The following MAP7 variants were observed in gnomAD, a reference collection of about 807,000 sequenced individuals.
MAP7 encodes the protein ensconsin.
In MAP7, 52 loss-of-function variants were observed where a neutral mutation model predicts 94.8. The observed-to-expected ratio is 0.55, with a 90% confidence interval of 0.44 to 0.69. The LOEUF is 0.69. MAP7 is among the 30% of genes least tolerant of loss of function. The probability of loss-of-function intolerance (pLI) is 0.00; values close to 1 mark genes in which losing one functional copy is unlikely to be tolerated. For synonymous variants in MAP7, 350 were observed against 357.0 expected (o/e 0.98, Z 0.22); for missense variants, 940 against 964.6 (o/e 0.97, Z 0.34).
intron 1 of MAP7, among the ~76,000 whole-genome samples, chr6:136,484,047 G>A (rs1813806276): frequency 6.6e-6 from 1 of 152,168 alleles, no homozygotes; most frequent in Non-Finnish European, 1.5e-5. Context: ...GTGCTGAGCT[G>A]GGGGAATTTC....
At chr6:136,381,293 C>T (rs1443410824) in intron 6 of MAP7, among the ~76,000 whole-genome samples, 1 of 152,078 alleles carries the variant, frequency 6.6e-6, no homozygotes, top group African/African-American at 2.4e-5. Context: ...GATCCCCCTG[C>T]CTCAGCCCCC....
chr6:136,412,576 C>T (rs947022232), intron 2 of MAP7, among the ~76,000 whole-genome samples: 9 of 152,066 alleles, frequency 5.9e-5, no homozygotes, highest in Non-Finnish European at 1.3e-4. Context: ...TAATGATGTT[C>T]CATAGAAAGT....
rs116810331 is a variant in MAP7 at position 136,454,043 on chromosome 6, A to G, written c.68-32244T>C. Among the ~76,000 whole-genome samples, 423 of 152,248 alleles carry G rather than the reference A, an allele frequency of 2.8e-3. 3 individuals are homozygous for G. The highest frequency in any genetic ancestry group is 9.5e-3 in the African/African-American group (393 of 41,536). On this transcript the variant is annotated intron_variant, in intron 1 of 17. Transcript: ENST00000354570. ...TTTTCAATGCCTCATCTCCATATTT[A>G]CATTTCAACCACTTGGTACCTTGTC...
intron 3 of MAP7, among the ~76,000 whole-genome samples, chr6:136,407,312 A>T (rs904458727): frequency 3.3e-5 from 5 of 152,250 alleles, no homozygotes; most frequent in Non-Finnish European, 5.9e-5. Context: ...GTCTAAATAG[A>T]TAAAAATTCA....
At chr6:136,432,653 C>T (rs1319788908) in intron 1 of MAP7, among the ~76,000 whole-genome samples, 1 of 152,162 alleles carries the variant, frequency 6.6e-6, no homozygotes, top group Non-Finnish European at 1.5e-5. Flanking sequence ...GTGCAACTCA[C>T]AGGTTGGTTA....
intron 2 of MAP7, among the ~76,000 whole-genome samples, chr6:136,413,134 C>T (rs1287249982): frequency 6.6e-6 from 1 of 152,120 alleles, no homozygotes; most frequent in Non-Finnish European, 1.5e-5. Context: ...TGCACTCCAG[C>T]CTGGGCAACA....
In MAP7 at chr6:136,388,507, G is replaced by A. The variant is rs369644416; in HGVS notation, c.412C>T (p.Arg138Cys). Residue 138 changes from arginine (R) to cysteine (C), a missense_variant, in exon 5 of 18, where the codon CGC becomes TGC. Arg to Cys is a radical substitution (Grantham distance 180). Coordinates refer to ENST00000354570, the MANE Select transcript of MAP7 (RefSeq NM_003980.6). Reference protein sequence around the residue: ...RRQRLEEDKERHEAVVRRTME... With the variant: ...RRQRLEEDKECHEAVVRRTME... Reference sequence around the variant, plus strand: ...GTGCGCCGTACAACAGCTTCGTGGCGTTCCTTAGATGGAATAGAAGAGCTG... The same window carrying A: ...GTGCGCCGTACAACAGCTTCGTGGCATTCCTTAGATGGAATAGAAGAGCTG... 133 of 1,612,956 alleles carry A rather than the reference G, an allele frequency of 8.2e-5. No individual in the cohort carries two copies. Among genetic ancestry groups the A allele is most frequent in the East Asian group, 1.3e-4 (6 of 44,880 alleles).
intron 3 of MAP7, among the ~76,000 whole-genome samples, chr6:136,401,487 T>C (rs1005200294): frequency 3.9e-5 from 6 of 152,170 alleles, no homozygotes; most frequent in South Asian, 2.1e-4. Flanking sequence ...TGTAGGGACA[T>C]GGATAAAGCT....
At chr6:136,426,459 G>A (rs1005874274) in intron 1 of MAP7, among the ~76,000 whole-genome samples, 4 of 152,228 alleles carry the variant, frequency 2.6e-5, no homozygotes, top group South Asian at 2.1e-4. Context: ...ACAATAGACC[G>A]ATTCAATTTT....
intron 1 of MAP7, among the ~76,000 whole-genome samples, chr6:136,446,561 G>T (rs1312037655): frequency 6.6e-6 from 1 of 152,168 alleles, no homozygotes; most frequent in African/African-American, 2.4e-5. Context: ...TTGGGGAGGT[G>T]CAGGGGGGCG....
At chr6:136,345,072 A>T (rs1336266209) in intron 17 of MAP7, among the ~76,000 whole-genome samples, 1 of 152,232 alleles carries the variant, frequency 6.6e-6, no homozygotes, top group African/African-American at 2.4e-5. Context: ...TTGAAGAGAC[A>T]GGGAGCACAG....
At chr6:136,426,702 T>C (rs2128791589) in intron 1 of MAP7, among the ~76,000 whole-genome samples, 1 of 152,292 alleles carries the variant, frequency 6.6e-6, no homozygotes, top group South Asian at 2.1e-4. Context: ...ATCAGGACTG[T>C]CTGGTCAGAA....
In MAP7 at chr6:136,381,919, C is replaced by CACACACACAGAG. The variant is rs373754692; in HGVS notation, c.637+1751_637+1752insCTCTGTGTGTGT. Among the ~76,000 whole-genome samples the CACACACACAGAG allele has an allele frequency of 2.0e-3, 207 of 103,028 alleles. No homozygotes were observed. The Middle Eastern group carries it at 0.029, about 14-fold the overall frequency. The allele number at this position is 103,028 out of a possible 152,430, so 67.6% of individuals were successfully genotyped here. ...ACACACACACACACACACACACACA[C>CACACACACAGAG]AGAGAGAGAGAGAGAGAATGCATGG... is the stretch of plus-strand genomic sequence containing the variant. On this transcript the variant is annotated intron_variant, in intron 6 of 17. Transcript: ENST00000354570.
chr6:136,451,569 G>C (rs370534219), intron 1 of MAP7, among the ~76,000 whole-genome samples: 3 of 152,210 alleles, frequency 2.0e-5, no homozygotes, highest in African/African-American at 7.2e-5. Context: ...CATGGATAAA[G>C]AAGTAATTCT....
intron 3 of MAP7, among the ~76,000 whole-genome samples, chr6:136,392,589 T>C (rs1781104277): frequency 6.6e-6 from 1 of 152,108 alleles, no homozygotes; most frequent in Admixed American, 6.6e-5. Flanking sequence ...ATTCAGACCC[T>C]GAGCAGTAAC....
At chr6:136,430,982 C>T (rs1407239657) in intron 1 of MAP7, among the ~76,000 whole-genome samples, 3 of 152,210 alleles carry the variant, frequency 2.0e-5, no homozygotes, top group Non-Finnish European at 2.9e-5. Flanking sequence ...GACACTGACA[C>T]GCCATCATCA....
chr6:136,421,649 A>C (rs1267006852), intron 2 of MAP7, 52 bp downstream of exon 2: 2 of 1,476,052 alleles, frequency 1.4e-6, no homozygotes, highest in South Asian at 2.3e-5. Context: ...GCATGCCTTT[A>C]GGGCATAAAA....
At chr6:136,423,553 C>T (rs546956330) in intron 1 of MAP7, among the ~76,000 whole-genome samples, 96 of 152,096 alleles carry the variant, frequency 6.3e-4, no homozygotes, top group African/African-American at 2.3e-3. Flanking sequence ...GTTTTCAGCT[C>T]AGCCACAGTT....
At chr6:136,346,861 G>C (rs1204845701) in intron 16 of MAP7, among the ~76,000 whole-genome samples, 5 of 152,102 alleles carry the variant, frequency 3.3e-5, no homozygotes, top group Non-Finnish European at 7.4e-5. Context: ...CTTAATCTCT[G>C]GTCCTGTGTT....
Sources: gnomAD v4.1 joint callset for allele counts (sites outside exome capture counted in the v4.1 genomes callset) on GRCh38, gnomAD v4.1.1 for gene constraint, MANE v1.5 for transcripts, NCBI Gene and HGNC (gene_info 2026-07-23, HGNC 2026-07-21) for gene names.